FARP1: variants seen among roughly 807,000 people sequenced by gnomAD.
FARP1 encodes the protein FERM, ARH/RhoGEF and pleckstrin domain protein 1, also known as FERM, ARHGEF and pleckstrin domain-containing protein 1.
Under a neutral mutation model 128.8 loss-of-function variants are expected in FARP1, and 52 were observed. The observed-to-expected ratio is 0.40, with a 90% CI of 0.32 to 0.51. The LOEUF (loss-of-function observed/expected upper bound fraction) is 0.51, where lower values mean the gene tolerates loss of function less well. FARP1 is among the 20% of genes least tolerant of loss of function. FARP1 has a pLI of 0.45. For synonymous variants in FARP1, 580 were observed against 551.8 expected (o/e 1.05, Z -0.72); for missense variants, 1,333 against 1,367.9 (o/e 0.97, Z 0.40).
At chr13:98,440,587 C>G in intron 23 of FARP1, 83 bp from the exon 24 acceptor site, 1 of 1,446,710 alleles carries the variant, frequency 6.9e-7, no homozygotes, top group East Asian at 2.3e-5. Flanking sequence ...GTGAGCCCCC[C>G]AACCTTCCAG....
At chr13:98,171,729 T>C (rs1877664669) in intron 1 of FARP1, among the ~76,000 whole-genome samples, 1 of 152,150 alleles carries the variant, frequency 6.6e-6, no homozygotes, top group African/African-American at 2.4e-5. Context: ...TTTCTAAGGG[T>C]GCAGATTCAG....
chr13:98,406,729 G>C (rs1373008242), intron 13 of FARP1: 1 of 152,338 alleles, frequency 6.6e-6, no homozygotes, highest in East Asian at 1.9e-4. Flanking sequence ...TCTGAGTCCT[G>C]TCTCCTCTGT....
chr13:98,219,381 A>G (rs899138792), intron 2 of FARP1, among the ~76,000 whole-genome samples: 1 of 151,048 alleles, frequency 6.6e-6, no homozygotes, highest in Non-Finnish European at 1.5e-5. Flanking sequence ...TTGAGACAAG[A>G]TCTTGCTCTG....
At chr13:98,200,186 G>A (rs564984700) in intron 1 of FARP1, among the ~76,000 whole-genome samples, 1 of 152,264 alleles carries the variant, frequency 6.6e-6, no homozygotes, top group African/African-American at 2.4e-5. Context: ...AGGCACTCAC[G>A]ACCTTTGGCA....
intron 11 of FARP1, among the ~76,000 whole-genome samples, chr13:98,391,107 G>A (rs553425675): frequency 6.6e-6 from 1 of 152,276 alleles, no homozygotes; most frequent in East Asian, 1.9e-4. Flanking sequence ...AGGACTAGGG[G>A]AGGCGGGAGA....
intron 15 of FARP1, 39 bp from the exon 16 acceptor site, chr13:98,411,862 A>T (rs370822218): frequency 1.2e-6 from 2 of 1,604,680 alleles, no homozygotes; most frequent in African/African-American, 2.7e-5. Flanking sequence ...CTCGTCATTG[A>T]TCTTTCCACC....
intron 13 of FARP1, among the ~76,000 whole-genome samples, chr13:98,409,119 A>G (rs1032419388): frequency 1.1e-4 from 17 of 152,152 alleles, no homozygotes; most frequent in African/African-American, 4.1e-4. Context: ...TCTTATCATT[A>G]ATTACGTAAT....
At chr13:98,409,621 G>T (rs1891115714) in intron 14 of FARP1, 96 bp downstream of exon 14, 3 of 1,146,894 alleles carry the variant, frequency 2.6e-6, no homozygotes, top group Admixed American at 5.8e-5. Context: ...TAAGAGCAAA[G>T]GTACCATGTG....
intron 13 of FARP1, chr13:98,399,166 GT>G (rs1209823831): frequency 1.3e-5 from 2 of 151,596 alleles, no homozygotes; most frequent in Non-Finnish European, 2.9e-5. Flanking sequence ...GGTGCTTACA[GT>G]TTGTTTAAAG....
rs754267012 is a variant in FARP1 at position 98,395,424 on chromosome 13, C to T, written c.1362C>T (p.Val454=). ...ASAPTEEEEE[V]VKDRTQQSKP... is the part of the protein sequence containing the mutation. ...CGCCCACGGAGGAAGAGGAGGAGGTCGTTAAGGATAGGACCCAGCAGAGTA... is the reference window on the plus strand; with the variant it reads ...CGCCCACGGAGGAAGAGGAGGAGGTTGTTAAGGATAGGACCCAGCAGAGTA... Residue 454 remains valine, a synonymous_variant, in exon 13 of 27, where the codon GTC becomes GTT. Coordinates refer to ENST00000319562, the MANE Select transcript of FARP1 (RefSeq NM_005766.4). The T allele has an allele frequency of 6.2e-7, 1 of 1,610,968 alleles. No individual in the cohort carries two copies. The highest frequency in any genetic ancestry group is 8.5e-7 in the Non-Finnish European group (1 of 1,178,536).
chr13:98,390,271 A>T, intron 10 of FARP1, 151 bp downstream of exon 10: 1 of 828,968 alleles, frequency 1.2e-6, no homozygotes, highest in East Asian at 2.5e-5. Context: ...TCTTAATCCC[A>T]GTGGGCTCTG....
intron 2 of FARP1, chr13:98,338,439 A>G (rs567942161): frequency 6.6e-6 from 1 of 152,198 alleles, no homozygotes; most frequent in Non-Finnish European, 1.5e-5. Context: ...GGCTTATTTC[A>G]CTTAGAACAG....
At chr13:98,397,207 TAAG>T (rs1458685205) in intron 13 of FARP1, 2 of 152,244 alleles carry the variant, frequency 1.3e-5, no homozygotes, top group African/African-American at 4.8e-5. Context: ...TGTTATGTTT[TAAG>T]AAGTACAATT....
rs1329694173 is a variant in FARP1, at chr13:98,167,376, G to C, written c.-24+23884G>C. On this transcript the variant is annotated intron_variant, in intron 1 of 26. Transcript: ENST00000319562. ...GCATGTAGCATTTAGGTCATGCTTA[G>C]AGAGATCTGCAATTTGAGAACAGTT... Among the ~76,000 whole-genome samples the C allele has an allele frequency of 4.0e-5, 6 of 149,922 alleles. No homozygotes were observed. In the East Asian group the frequency reaches 9.8e-4, roughly 24 times the overall value.
intron 13 of FARP1, chr13:98,398,036 C>T (rs1463153930): frequency 1.3e-5 from 2 of 152,102 alleles, no homozygotes; most frequent in African/African-American, 4.8e-5. Flanking sequence ...GGGCTCATCA[C>T]GCGACCCGAT....
chr13:98,378,163 C>G (rs759353349), intron 6 of FARP1, among the ~76,000 whole-genome samples: 2 of 152,170 alleles, frequency 1.3e-5, no homozygotes, highest in African/African-American at 4.8e-5. Flanking sequence ...AGGACTAGTA[C>G]GCAGTTGATA....
chr13:98,413,851 T>C (rs1276657931), intron 16 of FARP1, among the ~76,000 whole-genome samples: 2 of 152,186 alleles, frequency 1.3e-5, no homozygotes, highest in Non-Finnish European at 2.9e-5. Flanking sequence ...AGACATGTGT[T>C]AGTACCGTCT....
In FARP1 at chr13:98,453,247, A is replaced by C. The variant is rs1893285725; in HGVS notation, c.*4930A>C. 1.6e-5 allele frequency: 25 copies of C among 1,601,904 alleles called. No homozygotes were observed. Among genetic ancestry groups the C allele is most frequent in the Non-Finnish European group, 2.0e-5 (23 of 1,174,688 alleles). On this transcript the variant is annotated 3_prime_UTR_variant, in exon 27 of 27. Coordinates refer to ENST00000319562, the MANE Select transcript of FARP1 (RefSeq NM_005766.4). ...AGAGAGAGAGAAGTCAACACATGTC[A>C]TTTCTCATCCCTGTGCAAAAATTCA...
intron 2 of FARP1, 42 bp downstream of exon 2, chr13:98,213,455 GA>G (rs1880858180): frequency 1.3e-6 from 2 of 1,595,668 alleles, no homozygotes; most frequent in Admixed American, 3.4e-5. Context: ...TGTGGTAGGG[GA>G]CAGCCTTTGG....
Sources: gnomAD v4.1 joint callset for allele counts (sites outside exome capture counted in the v4.1 genomes callset) on GRCh38, gnomAD v4.1.1 for gene constraint, MANE v1.5 for transcripts, NCBI Gene and HGNC (gene_info 2026-07-23, HGNC 2026-07-21) for gene names.